BTBD1: variants seen among roughly 807,000 people sequenced by gnomAD.
BTBD1 encodes BTB domain containing 1.
A neutral mutation model predicts 48.0 loss-of-function variants in BTBD1; 34 were observed. The ratio of observed to expected loss-of-function variants is 0.71; its 90% CI spans 0.54 to 0.94. The LOEUF (loss-of-function observed/expected upper bound fraction) is 0.94. Among genes scored for constraint, BTBD1 ranks in the 40% least tolerant of loss-of-function variants. The pLI is 0.00. For synonymous variants in BTBD1, 261 were observed against 242.1 expected, an observed-to-expected ratio of 1.08 and a Z score of -0.72; for missense variants, 543 against 625.6, an observed-to-expected ratio of 0.87 and a Z score of 1.41.
intron 4 of BTBD1, chr15:83,030,758 A>G (rs1316406454): frequency 1.3e-5 from 2 of 153,870 alleles, no homozygotes; most frequent in Non-Finnish European, 2.9e-5. Context: ...AAACAAAAAC[A>G]AATGAATGAG....
chr15:83,042,680 A>C (rs2032791281), intron 3 of BTBD1, among the ~76,000 whole-genome samples: 1 of 152,142 alleles, frequency 6.6e-6, no homozygotes, highest in Admixed American at 6.6e-5. Context: ...CACCGCGCCC[A>C]GCCAGCACTG....
chr15:83,054,223 A>G (rs1386440120), intron 2 of BTBD1, among the ~76,000 whole-genome samples: 1 of 152,104 alleles, frequency 6.6e-6, no homozygotes. Flanking sequence ...TGGTAATCCC[A>G]GCTACTCGGG....
chr15:83,046,985 G>A (rs1469366981), intron 3 of BTBD1, among the ~76,000 whole-genome samples: 1 of 152,128 alleles, frequency 6.6e-6, no homozygotes, highest in Non-Finnish European at 1.5e-5. Context: ...AGCCAGCCAA[G>A]ATGGGAAGAA....
chr15:83,018,287 T>A, intron 7 of BTBD1, 62 bp from the exon 8 acceptor site: 1 of 1,282,316 alleles, frequency 7.8e-7, no homozygotes, highest in Middle Eastern at 2.0e-4. Flanking sequence ...TTTAATGTGG[T>A]GTTTTAATTA....
chr15:83,056,222 T>A (rs2151312907), intron 2 of BTBD1, among the ~76,000 whole-genome samples, 167 bp downstream of exon 2: 1 of 152,312 alleles, frequency 6.6e-6, no homozygotes, highest in South Asian at 2.1e-4. Flanking sequence ...CACTTTTCAA[T>A]TCTAAAATCT....
intron 3 of BTBD1, among the ~76,000 whole-genome samples, chr15:83,049,657 A>G (rs2032941422): frequency 6.6e-6 from 1 of 152,082 alleles, no homozygotes; most frequent in Non-Finnish European, 1.5e-5. Context: ...AACTTGTGTC[A>G]TCGGGGTTTG....
chr15:83,053,430 A>G (rs2033028927), intron 2 of BTBD1, among the ~76,000 whole-genome samples: 1 of 152,184 alleles, frequency 6.6e-6, no homozygotes, highest in African/African-American at 2.4e-5. Context: ...ACACCTGTTA[A>G]TCCTTGCTAC....
At chr15:83,055,784 T>G (rs1341047648) in intron 2 of BTBD1, among the ~76,000 whole-genome samples, 2 of 152,194 alleles carry the variant, frequency 1.3e-5, no homozygotes, top group South Asian at 4.1e-4. Context: ...TTCATAAAAT[T>G]TCATGCTGTC....
At chr15:83,046,339 C>G (rs2032877286) in intron 3 of BTBD1, among the ~76,000 whole-genome samples, 1 of 152,168 alleles carries the variant, frequency 6.6e-6, no homozygotes. Flanking sequence ...GGTAGAAAGA[C>G]AAACACATAG....
intron 5 of BTBD1, among the ~76,000 whole-genome samples, chr15:83,023,229 G>A (rs986644788): frequency 2.0e-5 from 3 of 151,870 alleles, no homozygotes; most frequent in Admixed American, 1.3e-4. Flanking sequence ...TGCCTTGTTG[G>A]ATAATCTAGA....
intron 4 of BTBD1, among the ~76,000 whole-genome samples, chr15:83,041,161 A>G (rs2032749952): frequency 6.6e-6 from 1 of 150,876 alleles, no homozygotes. Context: ...CAAAAAAAGA[A>G]AAAAAAGAAA....
At chr15:83,049,090 G>C (rs916789555) in intron 3 of BTBD1, among the ~76,000 whole-genome samples, 3 of 152,110 alleles carry the variant, frequency 2.0e-5, no homozygotes, top group African/African-American at 7.2e-5. Flanking sequence ...ATTTTTACTT[G>C]ATAAATCATT....
At chr15:83,052,797 ATTTTTTTT>A (rs398028150) in intron 2 of BTBD1, among the ~76,000 whole-genome samples, 1,551 of 94,534 alleles carry the variant, frequency 0.016, 28 homozygotes, top group Non-Finnish European at 0.024. Context: ...CGCCCGGCTA[ATTTTTTTT>A]TTTTTTTTTT....
chr15:83,064,956 G>A lies in BTBD1; in HGVS notation c.401+1795C>T, dbSNP rs548343831. Among the ~76,000 whole-genome samples, 6 of 152,238 alleles carry A rather than the reference G, an allele frequency of 3.9e-5. No individual in the cohort carries two copies. The South Asian group carries it at 1.2e-3, about 32-fold the overall frequency. On this transcript the variant is annotated intron_variant, in intron 1 of 7. Transcript: ENST00000261721. Reference sequence around the variant, plus strand: ...AGGTACTTTCATCTCACTACTCCAGGTGACTTTGCTTAGCATTTTGGTATG... The same window carrying A: ...AGGTACTTTCATCTCACTACTCCAGATGACTTTGCTTAGCATTTTGGTATG...
chr15:83,046,334 A>G (rs1433002988), intron 3 of BTBD1, among the ~76,000 whole-genome samples: 1 of 152,236 alleles, frequency 6.6e-6, no homozygotes, highest in East Asian at 1.9e-4. Flanking sequence ...TATGGGGTAG[A>G]AAGACAAACA....
In BTBD1 at chr15:83,018,002, G is replaced by T; in HGVS notation, c.*65C>A. ...ATAACACTCAAACTACTTTTTTGTG[G>T]CCATTTATGTTTTTGACACTAGATT... On this transcript the variant is annotated 3_prime_UTR_variant, in exon 8 of 8. Transcript: ENST00000261721. 2 of 1,104,490 alleles carry T rather than the reference G, an allele frequency of 1.8e-6. No homozygotes were observed. The highest frequency in any genetic ancestry group is 1.6e-5 in the African/African-American group (1 of 62,360). 68.4% of individuals were successfully genotyped at this position (1,104,490 alleles called of 1,614,324 possible).
intron 1 of BTBD1, among the ~76,000 whole-genome samples, chr15:83,057,502 T>C (rs1030717110): frequency 6.6e-6 from 1 of 152,232 alleles, no homozygotes; most frequent in Admixed American, 6.5e-5. Context: ...TTTTTATCAT[T>C]ATTTCCCTCT....
chr15:83,051,489 TTTTA>T (rs1423377331), intron 2 of BTBD1, among the ~76,000 whole-genome samples: 3 of 149,288 alleles, frequency 2.0e-5, no homozygotes, highest in Non-Finnish European at 4.5e-5. Flanking sequence ...TATATATATA[TTTTA>T]AGTTTAAAAC....
intron 3 of BTBD1, among the ~76,000 whole-genome samples, chr15:83,047,402 G>A (rs907363882): frequency 6.6e-6 from 1 of 152,082 alleles, no homozygotes; most frequent in Non-Finnish European, 1.5e-5. Context: ...CCTGGCCAGC[G>A]CATATGGGAA....
Sources: allele counts gnomAD v4.1 joint callset (sites outside exome capture counted in the v4.1 genomes callset), GRCh38; gene constraint gnomAD v4.1.1; transcripts MANE v1.5; gene names NCBI Gene and HGNC (gene_info 2026-07-23, HGNC 2026-07-21).